The following FLRT2 variants were observed in gnomAD, a reference collection of about 807,000 sequenced individuals.
FLRT2 encodes the protein fibronectin leucine rich transmembrane protein 2, also known as leucine-rich repeat transmembrane protein FLRT2.
In FLRT2, 15 loss-of-function variants were observed where a neutral mutation model predicts 40.0. The ratio of observed to expected loss-of-function variants is 0.38; its 90% confidence interval spans 0.25 to 0.58. The LOEUF (loss-of-function observed/expected upper bound fraction) is 0.58, where lower values mean the gene tolerates loss of function less well. Among genes scored for constraint, FLRT2 ranks in the 20% least tolerant of loss-of-function variants. FLRT2 has a pLI of 0.71. For synonymous variants in FLRT2, 380 were observed against 336.8 expected (o/e 1.13, Z -1.41); for missense variants, 726 against 840.0 (o/e 0.86, Z 1.68).
rs1555373579 is a variant in FLRT2, at chr14:85,643,354, T to TCTTTTCCTTCCTTCCTTCCTTCCTTC, written c.*19860_*19861insTTCCTTCCTTCCTTCCTTCCTTCCTT. The TCTTTTCCTTCCTTCCTTCCTTCCTTC allele has an allele frequency of 4.3e-5, 2 of 46,076 alleles. No individual in the cohort carries two copies. The highest frequency in any genetic ancestry group is 1.3e-3 in the East Asian group (2 of 1,568). The allele number at this position is 46,076 out of a possible 1,614,324, so 2.9% of individuals were successfully genotyped here. A position where few individuals can be genotyped will look rare whatever the true frequency, so the allele number is the denominator to read the frequency against. On this transcript the variant is annotated 3_prime_UTR_variant, in exon 2 of 2. Transcript: ENST00000330753. ...TTCTTTCTTTCTTTCTTTCTTTCTTTCTTCCTTCCTTCCTTCCTTCCTTTC... is the reference window on the plus strand; with the variant it reads ...TTCTTTCTTTCTTTCTTTCTTTCTTTCTTTTCCTTCCTTCCTTCCTTCCTTCCTTCCTTCCTTCCTTCCTTCCTTTC...
chr14:85,552,924 C>G (rs1483059402), intron 1 of FLRT2: 2 of 152,064 alleles, frequency 1.3e-5, no homozygotes, highest in Non-Finnish European at 2.9e-5. Flanking sequence ...GCCTGACACC[C>G]AGGATCTAGT....
intron 1 of FLRT2, among the ~76,000 whole-genome samples, chr14:85,562,486 G>A (rs894244638): frequency 1.3e-5 from 2 of 152,052 alleles, no homozygotes; most frequent in Non-Finnish European, 2.9e-5. Flanking sequence ...TGAGAATTGA[G>A]GTTTGTAATA....
At chr14:85,536,278 T>C (rs1888654405) in intron 1 of FLRT2, among the ~76,000 whole-genome samples, 1 of 152,152 alleles carries the variant, frequency 6.6e-6, no homozygotes. Flanking sequence ...TATGTACAAG[T>C]CCAGAAGCTT....
Position 85,651,202 on chromosome 14 carries a change from A to G in FLRT2, c.*27705A>G, listed in dbSNP as rs1894424760. The G allele has an allele frequency of 6.6e-6, 1 of 152,018 alleles. No homozygotes were observed. The highest frequency in any genetic ancestry group is 1.5e-5 in the Non-Finnish European group (1 of 67,992). The allele number at this position is 152,018 out of a possible 1,614,324, so 9.4% of individuals were successfully genotyped here. ...TTGGTATATAGATATCTTTAATTAC[A>G]TATTTCTAAATTATTTTCATTTAAG... is the stretch of plus-strand genomic sequence containing the variant. On this transcript the variant is annotated 3_prime_UTR_variant, in exon 2 of 2. Transcript: ENST00000330753.
chr14:85,649,078 A>G lies in FLRT2; in HGVS notation c.*25581A>G, dbSNP rs1894372530. The G allele has an allele frequency of 6.6e-6, 1 of 152,124 alleles. No homozygotes were observed. The highest frequency in any genetic ancestry group is 2.4e-5 in the African/African-American group (1 of 41,436). The allele number at this position is 152,124 out of a possible 1,614,324, so 9.4% of individuals were successfully genotyped here. A position where few individuals can be genotyped will look rare whatever the true frequency, so the allele number is the denominator to read the frequency against. On this transcript the variant is annotated 3_prime_UTR_variant, in exon 2 of 2. Transcript: ENST00000330753. ...TATGCCTATTACCCCAATATAATTT[A>G]AGATTGACAGGGAGAGCATCAGTAT... is the stretch of plus-strand genomic sequence containing the variant.
chr14:85,544,745 GTTC>G (rs1335952495), intron 1 of FLRT2, among the ~76,000 whole-genome samples: 1 of 152,082 alleles, frequency 6.6e-6, no homozygotes, highest in African/African-American at 2.4e-5. Flanking sequence ...TGGACTTTAG[GTTC>G]TTCTTGTTGG....
rs544853478 is a variant in FLRT2, at chr14:85,629,473, C to G, written c.*5976C>G. On this transcript the variant is annotated 3_prime_UTR_variant, in exon 2 of 2. Transcript: ENST00000330753. The stretch of plus-strand genomic sequence containing the variant: ...AATGGCACCTGATAATTACTAACAA[C>G]CTTTGTTTATATAAGACCTTGTGCA... 5.3e-5 allele frequency: 8 copies of G among 152,142 alleles called. No individual in the cohort carries two copies. Among genetic ancestry groups the G allele is most frequent in the Non-Finnish European group, 8.8e-5 (6 of 68,016 alleles). 9.4% of individuals were successfully genotyped at this position (152,142 alleles called of 1,614,324 possible).
In FLRT2 at chr14:85,636,388, C is replaced by CAAAA. The variant is rs1346257189; in HGVS notation, c.*12892_*12893insAAAA. ...GGAAAATCAAAGGTGAAGTCACCTGCAGAAAAAAAAAAAAAAAAAACAAAA... is the reference window on the plus strand; with the variant it reads ...GGAAAATCAAAGGTGAAGTCACCTGCAAAAAGAAAAAAAAAAAAAAAAAACAAAA... On this transcript the variant is annotated 3_prime_UTR_variant, in exon 2 of 2. Coordinates refer to ENST00000330753, the MANE Select transcript of FLRT2 (RefSeq NM_013231.6). The CAAAA allele has an allele frequency of 2.3e-4, 2 of 8,770 alleles. No homozygotes were observed. Among genetic ancestry groups the CAAAA allele is most frequent in the African/African-American group, 5.6e-4 (1 of 1,770 alleles). The allele number at this position is 8,770 out of a possible 1,614,324, so 0.5% of individuals were successfully genotyped here. A position where few individuals can be genotyped will look rare whatever the true frequency, so the allele number is the denominator to read the frequency against.
chr14:85,559,046 A>G (rs1890149721), intron 1 of FLRT2, among the ~76,000 whole-genome samples: 1 of 152,264 alleles, frequency 6.6e-6, no homozygotes, highest in African/African-American at 2.4e-5. Flanking sequence ...GCACATGTGT[A>G]CACATAGATA....
rs1894463188 is a variant in FLRT2 at position 85,652,726 on chromosome 14, C to T, written c.*29229C>T. 1 of 152,120 alleles carries T rather than the reference C, an allele frequency of 6.6e-6. No homozygotes were observed. Among genetic ancestry groups the T allele is most frequent in the African/African-American group, 2.4e-5 (1 of 41,434 alleles). The allele number at this position is 152,120 out of a possible 1,614,324, so 9.4% of individuals were successfully genotyped here. A position where few individuals can be genotyped will look rare whatever the true frequency, so the allele number is the denominator to read the frequency against. On this transcript the variant is annotated 3_prime_UTR_variant, in exon 2 of 2. Transcript: ENST00000330753. Reference sequence around the variant, plus strand: ...TAAGTTGCTTAGAATGAACATATAGCTGAACTAATAAGCATGAAATATTTT... The same window carrying T: ...TAAGTTGCTTAGAATGAACATATAGTTGAACTAATAAGCATGAAATATTTT...
rs1001567448 is a variant in FLRT2 at position 85,645,692 on chromosome 14, G to T, written c.*22195G>T. 6.6e-6 allele frequency: 1 copy of T among 152,176 alleles called. No homozygotes were observed. Among genetic ancestry groups the T allele is most frequent in the African/African-American group, 2.4e-5 (1 of 41,438 alleles). 9.4% of individuals were successfully genotyped at this position (152,176 alleles called of 1,614,324 possible). A position where few individuals can be genotyped will look rare whatever the true frequency, so the allele number is the denominator to read the frequency against. On this transcript the variant is annotated 3_prime_UTR_variant, in exon 2 of 2. Coordinates refer to ENST00000330753, the MANE Select transcript of FLRT2 (RefSeq NM_013231.6). ...CTTCCTAGTTGAGGAATCTTTCAGAGATTCAGTAGATAAGGTGATCTATTA... is the reference window on the plus strand; with the variant it reads ...CTTCCTAGTTGAGGAATCTTTCAGATATTCAGTAGATAAGGTGATCTATTA...
intron 1 of FLRT2, among the ~76,000 whole-genome samples, chr14:85,535,911 TTTTTTTTTTTGTTGTTG>T (rs1165916788): frequency 2.4e-5 from 2 of 82,110 alleles, no homozygotes; most frequent in Non-Finnish European, 4.7e-5. Context: ...TTTTTTTTTT[TTTTTTTTTTTGTTGTTG>T]TTGTTGTTGT....
At chr14:85,535,228 A>T (rs1319797993) in intron 1 of FLRT2, among the ~76,000 whole-genome samples, 1 of 152,198 alleles carries the variant, frequency 6.6e-6, no homozygotes, top group Non-Finnish European at 1.5e-5. Flanking sequence ...ACTTATTGCT[A>T]AATTTATTAT....
intron 1 of FLRT2, among the ~76,000 whole-genome samples, chr14:85,612,449 A>C (rs551925848): frequency 6.6e-6 from 1 of 152,282 alleles, no homozygotes; most frequent in African/African-American, 2.4e-5. Flanking sequence ...GTATTGTGCA[A>C]CCACAGTGGA....
Position 85,641,795 on chromosome 14 carries a change from T to C in FLRT2, c.*18298T>C, listed in dbSNP as rs1005180543. The C allele has an allele frequency of 1.3e-5, 2 of 152,276 alleles. No individual in the cohort carries two copies. The highest frequency in any genetic ancestry group is 1.3e-4 in the Admixed American group (2 of 15,296). 9.4% of individuals were successfully genotyped at this position (152,276 alleles called of 1,614,324 possible). A position where few individuals can be genotyped will look rare whatever the true frequency, so the allele number is the denominator to read the frequency against. ...ATATTGGTTACCTAAACTGTCTGAA[T>C]TTGAAAGTAGAGACAATCTTATTCA... On this transcript the variant is annotated 3_prime_UTR_variant, in exon 2 of 2. Coordinates refer to ENST00000330753, the MANE Select transcript of FLRT2 (RefSeq NM_013231.6).
At chr14:85,535,763 G>A (rs1888607913) in intron 1 of FLRT2, among the ~76,000 whole-genome samples, 1 of 152,144 alleles carries the variant, frequency 6.6e-6, no homozygotes, top group African/African-American at 2.4e-5. Flanking sequence ...TTGACTGGAG[G>A]AGGTTGGAAG....
At position 85,631,355 on chromosome 14, in the gene FLRT2, T is replaced by C. The variant is rs1167067934; in HGVS notation, c.*7858T>C. The C allele has an allele frequency of 6.6e-6, 1 of 152,004 alleles. No homozygotes were observed. Among genetic ancestry groups the C allele is most frequent in the Non-Finnish European group, 1.5e-5 (1 of 68,018 alleles). 9.4% of individuals were successfully genotyped at this position (152,004 alleles called of 1,614,324 possible). A position where few individuals can be genotyped will look rare whatever the true frequency, so the allele number is the denominator to read the frequency against. ...GGTTAATATAACTTTAAAATACATT[T>C]ATTTTTAGCACCTATATATTGTAAT... On this transcript the variant is annotated 3_prime_UTR_variant, in exon 2 of 2. Transcript: ENST00000330753.
intron 1 of FLRT2, among the ~76,000 whole-genome samples, chr14:85,542,752 G>C (rs1178362829): frequency 2.0e-5 from 3 of 152,192 alleles, no homozygotes; most frequent in African/African-American, 7.2e-5. Flanking sequence ...TTTAAAACTT[G>C]ATTCTAATAA....
intron 1 of FLRT2, among the ~76,000 whole-genome samples, chr14:85,586,140 C>A (rs1891604246): frequency 6.8e-6 from 1 of 147,662 alleles, no homozygotes; most frequent in Non-Finnish European, 1.5e-5. Flanking sequence ...ATATATAATA[C>A]ACATATGTAT....
Sources: gnomAD v4.1 joint callset for allele counts (sites outside exome capture counted in the v4.1 genomes callset) on GRCh38, gnomAD v4.1.1 for gene constraint, MANE v1.5 for transcripts, NCBI Gene and HGNC (gene_info 2026-07-23, HGNC 2026-07-21) for gene names.